Variants in EPM2A observed in about 807,000 individuals in gnomAD.
The protein encoded by EPM2A is laforin.
Under a neutral mutation model 26.5 loss-of-function variants are expected in EPM2A, and 21 were observed. The ratio of observed to expected loss-of-function variants is 0.79; its 90% CI spans 0.56 to 1.14. EPM2A has a LOEUF of 1.14. Among genes scored for constraint, EPM2A ranks in the 50% most tolerant of loss-of-function variants. EPM2A has a pLI of 0.00. For synonymous variants in EPM2A, 217 were observed against 177.6 expected (o/e 1.22, Z -1.76); for missense variants, 458 against 440.8 (o/e 1.04, Z -0.35).
intron 2 of EPM2A, among the ~76,000 whole-genome samples, chr6:145,580,094 G>A (rs1035682708): frequency 6.6e-6 from 1 of 151,918 alleles, no homozygotes; most frequent in Non-Finnish European, 1.5e-5. Context: ...AATAAGAAAA[G>A]GTTATTATAG....
chr6:145,406,469 C>T (rs1028687548), intron 4 of EPM2A, among the ~76,000 whole-genome samples: 2 of 152,098 alleles, frequency 1.3e-5, no homozygotes, highest in Non-Finnish European at 2.9e-5. Flanking sequence ...GTAACAATTA[C>T]GTGTGAAAGT....
intron 2 of EPM2A, among the ~76,000 whole-genome samples, chr6:145,680,375 ATTTATTTAT>A (rs1410687346): frequency 1.5e-4 from 13 of 87,880 alleles, no homozygotes; most frequent in African/African-American, 5.0e-4. Flanking sequence ...TTATTTATTT[ATTTATTTAT>A]TTTATTTTAT....
At chr6:145,676,962 C>T (rs1358905722) in intron 2 of EPM2A, among the ~76,000 whole-genome samples, 2 of 152,122 alleles carry the variant, frequency 1.3e-5, no homozygotes, top group Admixed American at 1.3e-4. Context: ...CAAAGCCTGG[C>T]AGAGACACAC....
intron 2 of EPM2A, among the ~76,000 whole-genome samples, chr6:145,612,227 A>G (rs1006074657): frequency 6.6e-6 from 1 of 152,184 alleles, no homozygotes; most frequent in Non-Finnish European, 1.5e-5. Context: ...ATTTATTTAT[A>G]TCTCTGTTTT....
intron 2 of EPM2A, among the ~76,000 whole-genome samples, chr6:145,568,295 A>C (rs1361653809): frequency 1.3e-5 from 2 of 151,818 alleles, no homozygotes; most frequent in Non-Finnish European, 2.9e-5. Flanking sequence ...AAATGGTAAA[A>C]GCAGAACAGT....
chr6:145,496,928 G>A (rs62439603), downstream of EPM2A, among the ~76,000 whole-genome samples: 6 of 151,850 alleles, frequency 4.0e-5, no homozygotes, highest in African/African-American at 4.8e-5. Context: ...TAGTAAAGAC[G>A]GGGTTTCACC....
intron 2 of EPM2A, among the ~76,000 whole-genome samples, chr6:145,644,612 A>G (rs1461235270): frequency 6.6e-6 from 1 of 152,164 alleles, no homozygotes; most frequent in East Asian, 1.9e-4. Flanking sequence ...ACAAAGAAAC[A>G]CTTCCTCTTC....
chr6:145,719,462 G>A (rs1775829289), intron 1 of EPM2A, among the ~76,000 whole-genome samples: 1 of 147,904 alleles, frequency 6.8e-6, no homozygotes, highest in Non-Finnish European at 1.5e-5. Context: ...TCACACTCTG[G>A]GGACTGTTGT....
intron 4 of EPM2A, among the ~76,000 whole-genome samples, chr6:145,424,351 G>C: frequency 6.6e-6 from 1 of 152,206 alleles, no homozygotes; most frequent in East Asian, 1.9e-4. Context: ...AGCTGGAAGA[G>C]AAAGTAATAG....
At chr6:145,498,634 T>G (rs1779850994), downstream of EPM2A, among the ~76,000 whole-genome samples, 1 of 152,182 alleles carries the variant, frequency 6.6e-6, no homozygotes, top group Non-Finnish European at 1.5e-5. Context: ...CTTGGCTCTG[T>G]GTCACGCCTG....
intron 2 of EPM2A, among the ~76,000 whole-genome samples, chr6:145,530,419 T>C (rs1022143423): frequency 6.6e-6 from 1 of 152,224 alleles, no homozygotes; most frequent in African/African-American, 2.4e-5. Flanking sequence ...TACTGAACTG[T>C]GCTAACTAGG....
At chr6:145,733,444 T>C (rs976129604) in intron 1 of EPM2A, among the ~76,000 whole-genome samples, 1 of 152,116 alleles carries the variant, frequency 6.6e-6, no homozygotes, top group African/African-American at 2.4e-5. Flanking sequence ...TAAAATTATA[T>C]ATAACTTATA....
intron 4 of EPM2A, among the ~76,000 whole-genome samples, chr6:145,431,928 G>A (rs73559151): frequency 0.018 from 2,749 of 152,272 alleles, 85 homozygotes; most frequent in African/African-American, 0.062. Context: ...TAAATTCTTT[G>A]TTGTCATATA....
chr6:145,570,732 G>A (rs1181344176), intron 2 of EPM2A, among the ~76,000 whole-genome samples: 4 of 152,194 alleles, frequency 2.6e-5, no homozygotes, highest in South Asian at 2.1e-4. Flanking sequence ...TGGGTCATTT[G>A]TAGTCCTGCC....
At chr6:145,571,776 C>T (rs1780959064) in intron 2 of EPM2A, among the ~76,000 whole-genome samples, 1 of 152,192 alleles carries the variant, frequency 6.6e-6, no homozygotes, top group Non-Finnish European at 1.5e-5. Context: ...CCACCATGGC[C>T]ACTTTGTTCA....
rs1240864544 is a variant in EPM2A, at chr6:145,708,325, T to A, written c.302-22029A>T. Among the ~76,000 whole-genome samples the A allele has an allele frequency of 2.6e-5, 4 of 152,006 alleles. No homozygotes were observed. In the South Asian group the frequency reaches 6.2e-4, roughly 24 times the overall value. On this transcript the variant is annotated intron_variant, in intron 1 of 3. Transcript: ENST00000367519. ...TTAATCACCAAGACAATGGGGAAAATGTCTCCAGGGAATGTCAGAGACCTT... is the reference window on the plus strand; with the variant it reads ...TTAATCACCAAGACAATGGGGAAAAAGTCTCCAGGGAATGTCAGAGACCTT...
chr6:145,618,347 T>TAA (rs1369333727), intron 2 of EPM2A, among the ~76,000 whole-genome samples: 2 of 152,222 alleles, frequency 1.3e-5, no homozygotes, highest in Admixed American at 1.3e-4. Context: ...GAGATGGTTA[T>TAA]AAGAATGACA....
At chr6:145,489,013 G>A (rs1274657948) in intron 4 of EPM2A, among the ~76,000 whole-genome samples, 1 of 152,158 alleles carries the variant, frequency 6.6e-6, no homozygotes, top group Non-Finnish European at 1.5e-5. Context: ...CTTTACAGAA[G>A]TTTAGCTGGT....
chr6:145,477,781 C>T (rs977414756), intron 4 of EPM2A, among the ~76,000 whole-genome samples: 1 of 151,736 alleles, frequency 6.6e-6, no homozygotes, highest in African/African-American at 2.4e-5. Context: ...GAACATACCT[C>T]AATATAATAA....
Sources: allele counts gnomAD v4.1 joint callset (sites outside exome capture counted in the v4.1 genomes callset), GRCh38; gene constraint gnomAD v4.1.1; transcripts MANE v1.5; gene names NCBI Gene and HGNC (gene_info 2026-07-23, HGNC 2026-07-21).